The following HPGD variants were observed in gnomAD, a reference collection of about 807,000 sequenced individuals.
HPGD encodes 15-hydroxyprostaglandin dehydrogenase.
In HPGD, 29 loss-of-function variants were observed where a neutral mutation model predicts 30.0. That is an observed-to-expected ratio of 0.97 (90% confidence interval 0.72 to 1.32). The LOEUF (loss-of-function observed/expected upper bound fraction) is 1.32. Among genes scored for constraint, HPGD ranks in the 40% most tolerant of loss-of-function variants. The probability of loss-of-function intolerance (pLI) is 0.00; values close to 1 mark genes in which losing one functional copy is unlikely to be tolerated. For synonymous variants in HPGD, 99 were observed against 112.4 expected (o/e 0.88, Z 0.75); for missense variants, 340 against 322.1 (o/e 1.06, Z -0.43).
chr4:174,499,853 T>C (rs779620019), intron 4 of HPGD, among the ~76,000 whole-genome samples: 3 of 150,552 alleles, frequency 2.0e-5, no homozygotes, highest in Non-Finnish European at 4.4e-5. Context: ...TCCAGAGATA[T>C]ACCTGGTCCT....
rs1254750229 is a variant in HPGD at position 174,494,732 on chromosome 4, C to A, written c.498+816G>T. Among the ~76,000 whole-genome samples, 1 of 152,166 alleles carries A rather than the reference C, an allele frequency of 6.6e-6. No homozygotes were observed. The highest frequency in any genetic ancestry group is 2.4e-5 in the African/African-American group (1 of 41,440). ...CTCACCTAGATGAACCACCCAGAGA[C>A]CCCCTACAACTGTTCTTTCCGCTTT... On this transcript the variant is annotated intron_variant, in intron 5 of 6. Transcript: ENST00000296522. The surrounding 1 kb of genome is among the most constrained non-coding windows in gnomAD (Gnocchi z 4.9).
chr4:174,520,605 A>T (rs571725421), intron 2 of HPGD, among the ~76,000 whole-genome samples: 3 of 152,346 alleles, frequency 2.0e-5, no homozygotes, highest in African/African-American at 7.2e-5. Flanking sequence ...TCCTTAAGGA[A>T]TGAGTTTATA....
At chr4:174,504,839 A>G (rs1221560166) in intron 4 of HPGD, among the ~76,000 whole-genome samples, 4 of 151,136 alleles carry the variant, frequency 2.6e-5, no homozygotes, top group Non-Finnish European at 5.9e-5. Flanking sequence ...ACAAACAAAC[A>G]AACAAACAAA....
At chr4:174,508,917 G>A (rs1246693903) in intron 3 of HPGD, 125 bp from the exon 4 acceptor site, 1 of 695,674 alleles carries the variant, frequency 1.4e-6, no homozygotes, top group African/African-American at 1.8e-5. Context: ...ATCAATGAAA[G>A]GTTTTAAAAG....
At chr4:174,516,692 A>G (rs1478963681) in intron 3 of HPGD, among the ~76,000 whole-genome samples, 1 of 152,184 alleles carries the variant, frequency 6.6e-6, no homozygotes, top group Non-Finnish European at 1.5e-5. Flanking sequence ...AAAAAACTAA[A>G]AGAAAACTGT....
rs140361537 is a variant in HPGD, at chr4:174,504,701, T to A, written c.421+3995A>T. ...GGTGGTGTGCACCTGTAATCCCAGC[T>A]ACTGGGGAGGCTGAGGCAGGAGAAT... is the stretch of plus-strand genomic sequence containing the variant. On this transcript the variant is annotated intron_variant, in intron 4 of 6. Coordinates refer to ENST00000296522, the MANE Select transcript of HPGD (RefSeq NM_000860.6). Among the ~76,000 whole-genome samples the A allele has an allele frequency of 3.2e-3, 479 of 150,534 alleles. 2 individuals are homozygous for A. Among genetic ancestry groups the A allele is most frequent in the African/African-American group, 0.01 (416 of 40,922 alleles).
At chr4:174,508,451 A>G (rs992192738) in intron 4 of HPGD, among the ~76,000 whole-genome samples, 31 of 152,168 alleles carry the variant, frequency 2.0e-4, no homozygotes, top group Admixed American at 1.1e-3. Context: ...CTAAAAAAAA[A>G]TTATATATAT....
At chr4:174,499,063 T>A (rs1459088902) in intron 4 of HPGD, among the ~76,000 whole-genome samples, 7 of 152,174 alleles carry the variant, frequency 4.6e-5, no homozygotes. Flanking sequence ...CACTACTTAC[T>A]GTAGGCCCAC....
intron 4 of HPGD, chr4:174,508,030 TA>T (rs1301083173): frequency 1.5e-6 from 1 of 674,912 alleles, no homozygotes; most frequent in South Asian, 1.5e-5. Flanking sequence ...CTGGGGTTCT[TA>T]AAAGAGTAGC....
intron 1 of HPGD, 92 bp downstream of exon 1, chr4:174,522,267 G>T: frequency 7.3e-7 from 1 of 1,377,202 alleles, no homozygotes; most frequent in Non-Finnish European, 1.0e-6. Flanking sequence ...GCCGGGCGCG[G>T]CCTCCCTGTC....
rs766094997 is a variant in HPGD at position 174,508,728 on chromosome 4, C to A, written c.389G>T (p.Gly130Val). 2 of 1,609,922 alleles carry A rather than the reference C, an allele frequency of 1.2e-6. No homozygotes were observed. Among genetic ancestry groups the A allele is most frequent in the Non-Finnish European group, 8.5e-7 (1 of 1,176,452 alleles). Reference sequence around the variant, plus strand: ...AGATGACATATTGATAATGATGCCGCCTTCACCTCCATTTTGCTTACTCAT... The same window carrying A: ...AGATGACATATTGATAATGATGCCGACTTCACCTCCATTTTGCTTACTCAT... ...DYMSKQNGGE[G>V]GIIINMSSLA... Residue 130 changes from glycine to valine, a missense_variant, in exon 4 of 7, where the codon GGC (glycine) becomes GTC (valine). Transcript: ENST00000296522.
intron 4 of HPGD, 42 bp from the exon 5 acceptor site, chr4:174,495,666 A>G (rs1734563283): frequency 1.5e-6 from 2 of 1,364,366 alleles, no homozygotes. Context: ...TTGATGAAAA[A>G]ATAAGTAGAC....
chr4:174,500,894 T>C (rs1489382940), intron 4 of HPGD, among the ~76,000 whole-genome samples: 1 of 152,218 alleles, frequency 6.6e-6, no homozygotes, highest in Non-Finnish European at 1.5e-5. Flanking sequence ...ATAATTATTT[T>C]ATTGACCTAT....
upstream of HPGD, chr4:174,522,647 G>T (rs1437877658): frequency 2.1e-6 from 1 of 474,818 alleles, no homozygotes; most frequent in Non-Finnish European, 3.7e-6. Context: ...GTTCTGGAGC[G>T]CCAAGCTTCG....
chr4:174,494,123 C>T lies in HPGD; in HGVS notation c.499-809G>A, dbSNP rs974052091. Among the ~76,000 whole-genome samples the T allele has an allele frequency of 6.6e-6, 1 of 152,066 alleles. No homozygotes were observed. The highest frequency in any genetic ancestry group is 2.1e-4 in the South Asian group (1 of 4,820). On this transcript the variant is annotated intron_variant, in intron 5 of 6. Transcript: ENST00000296522. This position sits in a 1 kb window ranked among gnomAD's most constrained non-coding sequence, Gnocchi z 4.9. Reference sequence around the variant, plus strand: ...ACTGCAGAAGTGCTGTGTAGTGTTCCTTAGTGTAAGAAGACTGATGTCCTG... The same window carrying T: ...ACTGCAGAAGTGCTGTGTAGTGTTCTTTAGTGTAAGAAGACTGATGTCCTG...
In HPGD at chr4:174,494,840, G is replaced by A. The variant is rs13106936; in HGVS notation, c.498+708C>T. ...GGAAATCTGATCTTATCACTCCTGC[G>A]TGTAAAAGCCCCATGGATGGTTGCC... is the stretch of plus-strand genomic sequence containing the variant. On this transcript the variant is annotated intron_variant, in intron 5 of 6. Transcript: ENST00000296522. This position sits in a 1 kb window ranked among gnomAD's most constrained non-coding sequence, Gnocchi z 4.9. Among the ~76,000 whole-genome samples the A allele has an allele frequency of 0.18, 27,335 of 151,978 alleles. 2,986 individuals are homozygous for A. Among genetic ancestry groups the A allele is most frequent in the East Asian group, 0.51 (2,649 of 5,146 alleles).
Position 174,492,780 on chromosome 4 carries a change from A to G in HPGD, c.662+371T>C, listed in dbSNP as rs1053460873. ...AGTATGTGTCCATGTATGTGTGTGT[A>G]TCAACTATTTCTTATAAAAGTGGTT... On this transcript the variant is annotated intron_variant, in intron 6 of 6. Coordinates refer to ENST00000296522, the MANE Select transcript of HPGD (RefSeq NM_000860.6). This position sits in a 1 kb window ranked among gnomAD's most constrained non-coding sequence, Gnocchi z 4.9. Among the ~76,000 whole-genome samples the G allele has an allele frequency of 1.7e-3, 265 of 152,222 alleles. No homozygotes were observed. Among genetic ancestry groups the G allele is most frequent in the African/African-American group, 6.0e-3 (250 of 41,562 alleles).
At chr4:174,506,289 A>T (rs1735187641) in intron 4 of HPGD, among the ~76,000 whole-genome samples, 1 of 152,220 alleles carries the variant, frequency 6.6e-6, no homozygotes, top group Admixed American at 6.5e-5. Context: ...ATTTCACTGA[A>T]GGTTTAGTAA....
chr4:174,494,773 T>A lies in HPGD; in HGVS notation c.498+775A>T, dbSNP rs1344782045. Among the ~76,000 whole-genome samples the A allele has an allele frequency of 6.6e-6, 1 of 152,176 alleles. No individual in the cohort carries two copies. Among genetic ancestry groups the A allele is most frequent in the South Asian group, 2.1e-4 (1 of 4,828 alleles). On this transcript the variant is annotated intron_variant, in intron 5 of 6. Transcript: ENST00000296522. This position sits in a 1 kb window ranked among gnomAD's most constrained non-coding sequence, Gnocchi z 4.9. Reference sequence around the variant, plus strand: ...TTTCCGCTTTTACACTTGTCTTTTGTAACACAATTTGCAAAAGCAGACAGA... The same window carrying A: ...TTTCCGCTTTTACACTTGTCTTTTGAAACACAATTTGCAAAAGCAGACAGA...
Sources: allele counts gnomAD v4.1 joint callset (sites outside exome capture counted in the v4.1 genomes callset), GRCh38; gene constraint gnomAD v4.1.1; non-coding constraint Gnocchi (gnomAD v3.1); transcripts MANE v1.5; gene names NCBI Gene and HGNC (gene_info 2026-07-23, HGNC 2026-07-21).